LRP1B: variants seen among roughly 807,000 people sequenced by gnomAD.
LRP1B encodes the protein LDL receptor related protein 1B, also known as low-density lipoprotein receptor-related protein 1B.
Under a neutral mutation model 556.6 loss-of-function variants are expected in LRP1B, and 217 were observed. The observed-to-expected ratio is 0.39, with a 90% CI of 0.35 to 0.44. LRP1B has a LOEUF of 0.44. Ranked by LOEUF, LRP1B falls within the 20% of genes least tolerant of loss-of-function variation. LRP1B has a pLI of 1.00. For missense variants in LRP1B, 5,053 were observed against 5,620.8 expected (o/e 0.90, Z 3.23); for synonymous variants, 2,047 against 1,865.8 (o/e 1.10, Z -2.50).
At chr2:141,293,206 A>C (rs1437723381) in intron 3 of LRP1B, among the ~76,000 whole-genome samples, 1 of 152,198 alleles carries the variant, frequency 6.6e-6, no homozygotes, top group Non-Finnish European at 1.5e-5. Flanking sequence ...ACAGCTGTAA[A>C]TTCACAATAG....
chr2:141,065,199 AT>A (rs1467679691), intron 7 of LRP1B, among the ~76,000 whole-genome samples: 2 of 151,884 alleles, frequency 1.3e-5, no homozygotes, highest in African/African-American at 4.8e-5. Flanking sequence ...TCCGTTGGCT[AT>A]TTTATATACT....
chr2:141,016,041 T>A, intron 12 of LRP1B, 126 bp from the exon 13 acceptor site: 1 of 701,306 alleles, frequency 1.4e-6, no homozygotes, highest in Non-Finnish European at 2.5e-6. Context: ...CCTATCTAAG[T>A]GCTTATCTGT....
intron 18 of LRP1B, among the ~76,000 whole-genome samples, chr2:140,971,092 T>C (rs1327444197): frequency 2.6e-5 from 4 of 152,160 alleles, no homozygotes; most frequent in African/African-American, 4.8e-5. Context: ...TTTTTTGTGC[T>C]AATAACCTTA....
At chr2:140,592,157 G>A (rs1682253980) in intron 43 of LRP1B, among the ~76,000 whole-genome samples, 1 of 151,852 alleles carries the variant, frequency 6.6e-6, no homozygotes, top group Admixed American at 6.6e-5. Flanking sequence ...AATAGAACTT[G>A]GAAAAGTTAT....
intron 34 of LRP1B, among the ~76,000 whole-genome samples, chr2:140,769,913 T>A (rs1458143584): frequency 1.3e-5 from 2 of 151,956 alleles, no homozygotes; most frequent in East Asian, 3.8e-4. Flanking sequence ...GCTATTAATA[T>A]CACACTTCTC....
rs555599429 is a variant in LRP1B at position 142,068,715 on chromosome 2, A to C, written c.82+61933T>G. Among the ~76,000 whole-genome samples, 5 of 151,660 alleles carry C rather than the reference A, an allele frequency of 3.3e-5. No individual in the cohort carries two copies. The South Asian group carries it at 6.2e-4, about 19-fold the overall frequency. Reference sequence around the variant, plus strand: ...TATTCTCTGTTATAACACAGCCCAGAACAGAGCTGTTTCCATTACTGTGTT... The same window carrying C: ...TATTCTCTGTTATAACACAGCCCAGCACAGAGCTGTTTCCATTACTGTGTT... On this transcript the variant is annotated intron_variant, in intron 1 of 90. Transcript: ENST00000389484.
intron 8 of LRP1B, among the ~76,000 whole-genome samples, chr2:141,061,548 C>G (rs982011643): frequency 6.6e-6 from 1 of 151,764 alleles, no homozygotes; most frequent in African/African-American, 2.4e-5. Context: ...CCGTGACTTT[C>G]ACAGAATTCT....
At chr2:141,122,197 A>C (rs1701070591) in intron 7 of LRP1B, among the ~76,000 whole-genome samples, 1 of 152,178 alleles carries the variant, frequency 6.6e-6, no homozygotes, top group Non-Finnish European at 1.5e-5. Context: ...ATGGGCAAGG[A>C]CTTCATGTCT....
chr2:140,946,832 A>G (rs1294788698), intron 20 of LRP1B, among the ~76,000 whole-genome samples: 2 of 152,204 alleles, frequency 1.3e-5, no homozygotes, highest in Non-Finnish European at 2.9e-5. Context: ...ACCATGGAAT[A>G]CTATGCAACC....
chr2:141,032,615 ATTTC>A (rs1387954940), intron 11 of LRP1B, among the ~76,000 whole-genome samples: 2 of 151,698 alleles, frequency 1.3e-5, no homozygotes, highest in Non-Finnish European at 2.9e-5. Flanking sequence ...GAAAATTTGT[ATTTC>A]TTCTTCTGTG....
Position 140,399,176 on chromosome 2 carries a change from C to CACACACACACACACACACACACA in LRP1B, c.10415-13168_10415-13167insTGTGTGTGTGTGTGTGTGTGTGT, listed in dbSNP as rs377687105. On this transcript the variant is annotated intron_variant, in intron 66 of 90. Transcript: ENST00000389484. ...GAGAAGACCAAGATACACACACACA[C>CACACACACACACACACACACACA]ACACACACACACACCACTTATTCAA... 4.9e-3 allele frequency among the ~76,000 whole-genome samples: 751 copies of CACACACACACACACACACACACA among 151,822 alleles called. 6 individuals are homozygous for CACACACACACACACACACACACA. Among genetic ancestry groups the CACACACACACACACACACACACA allele is most frequent in the African/African-American group, 0.018 (724 of 41,330 alleles).
chr2:140,503,956 A>G (rs1319661264), intron 53 of LRP1B, among the ~76,000 whole-genome samples: 2 of 152,134 alleles, frequency 1.3e-5, no homozygotes, highest in African/African-American at 4.8e-5. Context: ...TAAACTAGAT[A>G]GTTCTAAAAT....
chr2:141,212,884 T>G (rs761931366), intron 6 of LRP1B, among the ~76,000 whole-genome samples: 1 of 152,154 alleles, frequency 6.6e-6, no homozygotes, highest in Non-Finnish European at 1.5e-5. Context: ...ATAGAGTAAT[T>G]GATATAAACA....
intron 41 of LRP1B, among the ~76,000 whole-genome samples, chr2:140,661,022 C>A (rs1685073020): frequency 6.6e-6 from 1 of 151,932 alleles, no homozygotes; most frequent in African/African-American, 2.4e-5. Flanking sequence ...TTCTATGAAA[C>A]CCATTTGCCC....
intron 21 of LRP1B, among the ~76,000 whole-genome samples, chr2:140,917,771 T>C (rs1456059219): frequency 6.6e-6 from 1 of 152,082 alleles, no homozygotes; most frequent in Non-Finnish European, 1.5e-5. Flanking sequence ...TGGATACATG[T>C]CATCATATAT....
chr2:141,124,341 C>T (rs540303356), intron 7 of LRP1B, among the ~76,000 whole-genome samples: 1 of 152,042 alleles, frequency 6.6e-6, no homozygotes, highest in Non-Finnish European at 1.5e-5. Flanking sequence ...ATTGTTGCAT[C>T]GCTCACAAGA....
intron 66 of LRP1B, among the ~76,000 whole-genome samples, chr2:140,408,291 T>C (rs1684833254): frequency 6.6e-6 from 1 of 151,702 alleles, no homozygotes; most frequent in South Asian, 2.1e-4. Flanking sequence ...ATTCATCCAT[T>C]TAATCAAAAA....
intron 15 of LRP1B, among the ~76,000 whole-genome samples, chr2:141,002,099 A>G (rs1169395163): frequency 6.6e-6 from 1 of 152,118 alleles, no homozygotes; most frequent in Non-Finnish European, 1.5e-5. Context: ...TAAAATAAGA[A>G]TTAAAAAATA....
intron 83 of LRP1B, among the ~76,000 whole-genome samples, chr2:140,298,535 A>C (rs1258061521): frequency 6.6e-6 from 1 of 152,196 alleles, no homozygotes; most frequent in Non-Finnish European, 1.5e-5. Flanking sequence ...TGGTTAGTAC[A>C]TAAGTGCTAA....
Sources: allele counts gnomAD v4.1 joint callset (sites outside exome capture counted in the v4.1 genomes callset), GRCh38; gene constraint gnomAD v4.1.1; transcripts MANE v1.5; gene names NCBI Gene and HGNC (gene_info 2026-07-23, HGNC 2026-07-21).